The following VRK1 variants were observed in gnomAD, a reference collection of about 807,000 sequenced individuals.
VRK1 encodes the protein VRK serine/threonine kinase 1.
In VRK1, 33 loss-of-function variants were observed where a neutral mutation model predicts 57.1. The observed-to-expected ratio is 0.58, with a 90% CI of 0.44 to 0.77. The LOEUF (loss-of-function observed/expected upper bound fraction) is 0.77, where lower values mean the gene tolerates loss of function less well. Ranked by LOEUF, VRK1 falls within the 30% of genes least tolerant of loss-of-function variation. The pLI is 0.00. For synonymous variants in VRK1, 137 were observed against 147.8 expected (o/e 0.93, Z 0.53); for missense variants, 413 against 477.3 (o/e 0.87, Z 1.25).
At chr14:96,856,071 T>C in intron 8 of VRK1, 59 bp from the exon 9 acceptor site, 1 of 1,583,232 alleles carries the variant, frequency 6.3e-7, no homozygotes, top group Non-Finnish European at 8.6e-7. Context: ...TATATATACT[T>C]TAAATTATAC....
At chr14:96,858,841 G>C (rs1474477308) in intron 10 of VRK1, 1 of 152,090 alleles carries the variant, frequency 6.6e-6, no homozygotes, top group African/African-American at 2.4e-5. Context: ...TCTTTAACTG[G>C]ACTTTGCTAC....
intron 7 of VRK1, among the ~76,000 whole-genome samples, chr14:96,853,759 A>T (rs1036937069): frequency 6.6e-6 from 1 of 152,020 alleles, no homozygotes; most frequent in African/African-American, 2.4e-5. Flanking sequence ...AAGTAGAGGG[A>T]TCTATACAAT....
At chr14:96,871,553 G>T (rs1390352416) in intron 11 of VRK1, among the ~76,000 whole-genome samples, 1 of 152,204 alleles carries the variant, frequency 6.6e-6, no homozygotes, top group Non-Finnish European at 1.5e-5. Flanking sequence ...AATTAAACGT[G>T]TGTGTATTTA....
intron 1 of VRK1, among the ~76,000 whole-genome samples, chr14:96,827,144 T>G (rs868852809): frequency 6.6e-6 from 1 of 152,130 alleles, no homozygotes; most frequent in African/African-American, 2.4e-5. Flanking sequence ...AAATGTTCTG[T>G]CTGGTGGTCG....
At chr14:96,808,019 G>GTCTCTCTCTCTCTCTC (rs1566683621) in intron 1 of VRK1, among the ~76,000 whole-genome samples, 350 of 34,178 alleles carry the variant, frequency 0.01, 7 homozygotes, top group African/African-American at 0.024. Flanking sequence ...CTCTCCCTCT[G>GTCTCTCTCTCTCTCTC]TGTGTGTGTG....
chr14:96,877,674 A>G (rs911387294), intron 12 of VRK1: 2 of 1,277,374 alleles, frequency 1.6e-6, no homozygotes, highest in Admixed American at 4.7e-5. Flanking sequence ...TTTCAGAAAG[A>G]TCCTGCATTG....
intron 1 of VRK1, among the ~76,000 whole-genome samples, chr14:96,800,542 C>G (rs1209129676): frequency 6.6e-6 from 1 of 152,050 alleles, no homozygotes; most frequent in Admixed American, 6.6e-5. Context: ...TCTACTTTTA[C>G]CAACATTCTT....
chr14:96,847,243 G>A lies in VRK1; in HGVS notation c.287-14G>A. 1 of 1,608,836 alleles carries A rather than the reference G, an allele frequency of 6.2e-7. No homozygotes were observed. The highest frequency in any genetic ancestry group is 8.5e-7 in the Non-Finnish European group (1 of 1,175,506). On this transcript the variant is annotated splice_polypyrimidine_tract_variant and intron_variant, in intron 4 of 12. Coordinates refer to ENST00000216639, the MANE Select transcript of VRK1 (RefSeq NM_003384.3). ...ATAACAATTGAAATCACAAAGATCT[G>A]TTTTAATTTGTAGTTCAGAAATGGA...
intron 3 of VRK1, among the ~76,000 whole-genome samples, chr14:96,842,124 T>C (rs771467612): frequency 5.3e-5 from 8 of 152,186 alleles, no homozygotes; most frequent in Non-Finnish European, 1.0e-4. Context: ...ATGCAGTCTT[T>C]AGAAGCTTAT....
intron 1 of VRK1, among the ~76,000 whole-genome samples, chr14:96,804,393 C>T (rs942535160): frequency 6.6e-6 from 1 of 152,102 alleles, no homozygotes; most frequent in Non-Finnish European, 1.5e-5. Flanking sequence ...TTAATAAATA[C>T]AGGTTTATTG....
At chr14:96,824,383 T>C (rs1040401506) in intron 1 of VRK1, among the ~76,000 whole-genome samples, 1 of 152,116 alleles carries the variant, frequency 6.6e-6, no homozygotes, top group Non-Finnish European at 1.5e-5. Context: ...AGGAAGAGAA[T>C]GTTTCAAGAA....
chr14:96,862,940 T>G (rs1461130948), intron 11 of VRK1, among the ~76,000 whole-genome samples: 2 of 152,220 alleles, frequency 1.3e-5, no homozygotes, highest in African/African-American at 4.8e-5. Context: ...CAGTTTAATA[T>G]ATGTTTGTAT....
At chr14:96,875,134 A>G (rs925464952) in intron 11 of VRK1, among the ~76,000 whole-genome samples, 3 of 152,236 alleles carry the variant, frequency 2.0e-5, no homozygotes, top group Non-Finnish European at 4.4e-5. Context: ...AGTTATATAA[A>G]AAAATTCAAA....
At chr14:96,869,048 C>G (rs982636223) in intron 11 of VRK1, among the ~76,000 whole-genome samples, 1 of 152,170 alleles carries the variant, frequency 6.6e-6, no homozygotes, top group Non-Finnish European at 1.5e-5. Context: ...CCGCCTCAGC[C>G]TACCTAAGTG....
chr14:96,876,797 A>C (rs1487957265), intron 12 of VRK1, among the ~76,000 whole-genome samples: 3 of 151,774 alleles, frequency 2.0e-5, no homozygotes, highest in Non-Finnish European at 4.4e-5. Context: ...AAAAACACAA[A>C]AAAACAAAAA....
intron 1 of VRK1, among the ~76,000 whole-genome samples, chr14:96,824,665 ATTTT>A (rs55945612): frequency 7.2e-6 from 1 of 139,520 alleles, no homozygotes. Context: ...AAAAACATTA[ATTTT>A]TTTTTTTTTT....
intron 3 of VRK1, among the ~76,000 whole-genome samples, chr14:96,842,118 A>G (rs1399264060): frequency 6.6e-6 from 1 of 152,124 alleles, no homozygotes; most frequent in East Asian, 1.9e-4. Flanking sequence ...TTCCCTATGC[A>G]GTCTTTAGAA....
At chr14:96,834,136 A>G (rs1887121563) in intron 2 of VRK1, among the ~76,000 whole-genome samples, 1 of 152,166 alleles carries the variant, frequency 6.6e-6, no homozygotes, top group African/African-American at 2.4e-5. Flanking sequence ...TTATTCTGAA[A>G]TTTTTGGGGA....
At chr14:96,837,281 G>C (rs1430745844) in intron 2 of VRK1, among the ~76,000 whole-genome samples, 1 of 152,162 alleles carries the variant, frequency 6.6e-6, no homozygotes, top group East Asian at 1.9e-4. Context: ...GAAAGTTCTA[G>C]TGCCAACATC....
Sources: gnomAD v4.1 joint callset for allele counts (sites outside exome capture counted in the v4.1 genomes callset) on GRCh38, gnomAD v4.1.1 for gene constraint, MANE v1.5 for transcripts, NCBI Gene and HGNC (gene_info 2026-07-23, HGNC 2026-07-21) for gene names.